Variants in MTUS2 observed in about 807,000 individuals in gnomAD.
The protein encoded by MTUS2 is microtubule associated scaffold protein 2.
In MTUS2, 40 loss-of-function variants were observed where a neutral mutation model predicts 114.1. The observed-to-expected ratio is 0.35, with a 90% confidence interval of 0.27 to 0.46. The LOEUF (loss-of-function observed/expected upper bound fraction) is 0.46, where lower values mean the gene tolerates loss of function less well. MTUS2 is among the 20% of genes least tolerant of loss of function. The pLI is 1.00. For missense variants in MTUS2, 1,679 were observed against 1,705.4 expected, an observed-to-expected ratio of 0.98 and a Z score of 0.27; for synonymous variants, 688 against 672.0, an observed-to-expected ratio of 1.02 and a Z score of -0.37.
chr13:28,870,072 C>T (rs894867003), intron 2 of MTUS2, among the ~76,000 whole-genome samples: 3 of 152,054 alleles, frequency 2.0e-5, no homozygotes, highest in South Asian at 4.1e-4. Context: ...GTGATCAGAT[C>T]GTGGTAATTA....
chr13:28,990,144 C>G (rs535027399), intron 2 of MTUS2, among the ~76,000 whole-genome samples: 1 of 152,240 alleles, frequency 6.6e-6, no homozygotes, highest in East Asian at 1.9e-4. Context: ...GTGCCAGGCA[C>G]AAGATGTTTT....
At chr13:29,122,396 G>A (rs546079223) in intron 5 of MTUS2, among the ~76,000 whole-genome samples, 9 of 152,286 alleles carry the variant, frequency 5.9e-5, no homozygotes, top group African/African-American at 2.2e-4. Context: ...GGAAGGGGAA[G>A]CAAGCACCGC....
intron 5 of MTUS2, among the ~76,000 whole-genome samples, chr13:29,128,989 TAAAAC>T (rs757818974): frequency 1.3e-5 from 2 of 152,230 alleles, no homozygotes; most frequent in Admixed American, 6.5e-5. Flanking sequence ...TTGTAAATGA[TAAAAC>T]AAAGGTTTAG....
chr13:29,228,941 G>A (rs924001566), intron 5 of MTUS2, among the ~76,000 whole-genome samples: 1 of 152,042 alleles, frequency 6.6e-6, no homozygotes, highest in Non-Finnish European at 1.5e-5. Flanking sequence ...CTTGAGAAAC[G>A]TGGACAAGAC....
intron 2 of MTUS2, among the ~76,000 whole-genome samples, chr13:28,997,668 C>A (rs1288624216): frequency 6.6e-6 from 1 of 151,996 alleles, no homozygotes; most frequent in Non-Finnish European, 1.5e-5. Flanking sequence ...CTCTTTTGAT[C>A]TTTGTTGGTT....
intron 5 of MTUS2, among the ~76,000 whole-genome samples, chr13:29,163,118 A>C (rs1252472960): frequency 2.0e-5 from 3 of 152,186 alleles, no homozygotes; most frequent in Non-Finnish European, 4.4e-5. Context: ...GGCTTTCACA[A>C]CTGGGGCATC....
chr13:29,379,120 G>A (rs1245851782), intron 8 of MTUS2, among the ~76,000 whole-genome samples: 1 of 152,196 alleles, frequency 6.6e-6, no homozygotes, highest in Non-Finnish European at 1.5e-5. Flanking sequence ...CCCCAGCCCT[G>A]CGGAACTGTA....
At chr13:28,940,959 A>C (rs1593317596) in intron 2 of MTUS2, among the ~76,000 whole-genome samples, 1 of 152,146 alleles carries the variant, frequency 6.6e-6, no homozygotes, top group South Asian at 2.1e-4. Flanking sequence ...AGCTAGGGTA[A>C]CTATACTGTT....
chr13:29,328,064 T>C (rs1593308089), intron 7 of MTUS2, among the ~76,000 whole-genome samples: 1 of 152,330 alleles, frequency 6.6e-6, no homozygotes, highest in South Asian at 2.1e-4. Context: ...CAAATATTTT[T>C]CCATTTTTTA....
chr13:29,321,846 C>T (rs185773366), intron 6 of MTUS2, among the ~76,000 whole-genome samples: 41 of 152,236 alleles, frequency 2.7e-4, no homozygotes, highest in African/African-American at 9.6e-4. Context: ...AAGCATAATA[C>T]ATATGACATT....
chr13:28,904,812 G>A (rs938969091), intron 2 of MTUS2, among the ~76,000 whole-genome samples: 6 of 152,174 alleles, frequency 3.9e-5, no homozygotes, highest in Admixed American at 3.9e-4. Flanking sequence ...TAGCTTGATG[G>A]GGATGGCATT....
At chr13:28,949,972 GAA>G (rs1466701561) in intron 2 of MTUS2, among the ~76,000 whole-genome samples, 9 of 152,306 alleles carry the variant, frequency 5.9e-5, no homozygotes, top group Admixed American at 5.9e-4. Flanking sequence ...ATCCAACCCA[GAA>G]GGGGAATTTC....
At chr13:29,156,986 A>G (rs985151843) in intron 5 of MTUS2, among the ~76,000 whole-genome samples, 4 of 152,170 alleles carry the variant, frequency 2.6e-5, no homozygotes, top group African/African-American at 4.8e-5. Flanking sequence ...TAAATATTAG[A>G]TAAAGATACC....
chr13:29,354,289 T>TTACTTACCCTCTTACTTACTTACTTA (rs1869553156), intron 7 of MTUS2, among the ~76,000 whole-genome samples: 1 of 149,710 alleles, frequency 6.7e-6, no homozygotes, highest in Non-Finnish European at 1.5e-5. Flanking sequence ...GTAAGTCTAA[T>TTACTTACCCTCTTACTTACTTACTTA]CCCACTTACT....
At chr13:29,494,679 C>T (rs549015340) in intron 12 of MTUS2, among the ~76,000 whole-genome samples, 13 of 151,986 alleles carry the variant, frequency 8.6e-5, no homozygotes, top group Admixed American at 6.6e-5. Flanking sequence ...CCACCTGCGG[C>T]GTACTGCACT....
At chr13:28,909,646 T>C (rs150852049) in intron 2 of MTUS2, among the ~76,000 whole-genome samples, 24,446 of 152,164 alleles carry the variant, frequency 0.16, 2,749 homozygotes, top group African/African-American at 0.32. Context: ...TGTCACCACT[T>C]CTATTCAACA....
At chr13:29,420,526 C>T (rs1876015553) in intron 8 of MTUS2, among the ~76,000 whole-genome samples, 1 of 152,178 alleles carries the variant, frequency 6.6e-6, no homozygotes, top group South Asian at 2.1e-4. Flanking sequence ...GATCACCTGC[C>T]TTGGCCTCCC....
chr13:29,143,996 A>G (rs1265579922), intron 5 of MTUS2, among the ~76,000 whole-genome samples: 2 of 152,130 alleles, frequency 1.3e-5, no homozygotes, highest in East Asian at 3.9e-4. Flanking sequence ...TTATTCATTC[A>G]TTTGCTGGAC....
chr13:28,832,677 TTATA>T (rs1158471225), intron 1 of MTUS2, among the ~76,000 whole-genome samples: 1 of 147,688 alleles, frequency 6.8e-6, no homozygotes, highest in African/African-American at 2.5e-5. Context: ...ATATTTAAAA[TTATA>T]TATTTATATA....
Sources: gnomAD v4.1 joint callset for allele counts (sites outside exome capture counted in the v4.1 genomes callset) on GRCh38, gnomAD v4.1.1 for gene constraint, MANE v1.5 for transcripts, NCBI Gene and HGNC (gene_info 2026-07-23, HGNC 2026-07-21) for gene names.